CPZ: variants seen among roughly 807,000 people sequenced by gnomAD.
CPZ encodes the protein VEZT/CPZ fusion.
In CPZ, 103 loss-of-function variants were observed where a neutral mutation model predicts 61.8. The observed-to-expected ratio is 1.67, with a 90% CI of 1.42 to 1.96. The LOEUF is 1.96. Among genes scored for constraint, CPZ ranks in the 30% most tolerant of loss-of-function variants. CPZ has a pLI of 0.00. For synonymous variants in CPZ, 551 were observed against 373.7 expected (o/e 1.47, Z -5.47); for missense variants, 1,461 against 914.9 (o/e 1.60, Z -7.70).
intron 5 of CPZ, among the ~76,000 whole-genome samples, 191 bp downstream of exon 5, chr4:8,606,376 G>A (rs1408259397): frequency 6.6e-6 from 1 of 152,194 alleles, no homozygotes; most frequent in Admixed American, 6.5e-5. Context: ...AATTCTAGGT[G>A]AATTAAAAAG....
intron 9 of CPZ, among the ~76,000 whole-genome samples, chr4:8,616,543 C>T (rs188427062): frequency 2.6e-5 from 4 of 152,128 alleles, no homozygotes; most frequent in Admixed American, 2.6e-4. Context: ...CCCAGTGTGG[C>T]TGGTCATCAG....
At position 8,601,228 on chromosome 4, in the gene CPZ, G is replaced by C. The variant is rs754033047; in HGVS notation, c.227G>C (p.Ser76Thr). Residue 76 changes from serine to threonine, a missense_variant, in exon 3 of 11, where the codon AGC becomes ACC. Coordinates refer to ENST00000360986, the MANE Select transcript of CPZ (RefSeq NM_001014447.3). ...CGGTCGTGGGAGGTGGTGGAGGCCA[G>C]CTCCGAGTACATCCTGCTGAGCGTT... ...QHRSWEVVEA[S>T]SEYILLSVLH... is the part of the protein sequence containing the mutation. 2.5e-6 allele frequency: 4 copies of C among 1,613,324 alleles called. No homozygotes were observed. In the African/African-American group the frequency reaches 4.0e-5, roughly 16 times the overall value.
chr4:8,609,227 C>CTCATTCATTGTCACTCAT (rs74196897), intron 7 of CPZ, among the ~76,000 whole-genome samples: 1 of 150,362 alleles, frequency 6.7e-6, no homozygotes, highest in African/African-American at 2.5e-5. Flanking sequence ...CACTTACTCA[C>CTCATTCATTGTCACTCAT]TCATTGTCAC....
chr4:8,613,529 T>G (rs1043015455), intron 8 of CPZ, among the ~76,000 whole-genome samples: 2 of 152,210 alleles, frequency 1.3e-5, no homozygotes, highest in Non-Finnish European at 2.9e-5. Flanking sequence ...CACTGGGGTC[T>G]GGGCAGGGAC....
Position 8,592,908 on chromosome 4 carries a change from G to GCGGGA in CPZ, c.78_79insGACGG (p.Asn27AspfsTer58). 2 of 1,534,404 alleles carry GCGGGA rather than the reference G, an allele frequency of 1.3e-6. No individual in the cohort carries two copies. The highest frequency in any genetic ancestry group is 1.7e-6 in the Non-Finnish European group (2 of 1,143,892). On this transcript the variant is annotated frameshift_variant, in exon 1 of 11. Transcript: ENST00000360986. LOFTEE classifies it high-confidence loss of function. ...CTGCCCGGCCGGGGTGCGAGTTTGAGCGGAACCCCGCCGGTAAGGCCGTCC... is the reference window on the plus strand; with the variant it reads ...CTGCCCGGCCGGGGTGCGAGTTTGAGCGGGACGGAACCCCGCCGGTAAGGCCGTCC...
At position 8,606,204 on chromosome 4, in the gene CPZ, G is replaced by A. The variant is rs1225169801; in HGVS notation, c.906+19G>A. 5 of 1,604,628 alleles carry A rather than the reference G, an allele frequency of 3.1e-6. No homozygotes were observed. Among genetic ancestry groups the A allele is most frequent in the African/African-American group, 1.3e-5 (1 of 74,716 alleles). ...TGCCGAGGTGAGCGCCCAGATGCCT[G>A]GATCCTGTGGGCCACCGCCCGAACC... On this transcript the variant is annotated intron_variant, in intron 5 of 10. Coordinates refer to ENST00000360986, the MANE Select transcript of CPZ (RefSeq NM_001014447.3).
rs1037345797 is a variant in CPZ, at chr4:8,604,205, G to A, written c.709+17G>A. The stretch of plus-strand genomic sequence containing the variant: ...ACGAGCTGAGTGAGTGCCCTTGGGA[G>A]AGCCTGGCCTGGCCCCGTTTCGGGA... On this transcript the variant is annotated intron_variant, in intron 4 of 10. Coordinates refer to ENST00000360986, the MANE Select transcript of CPZ (RefSeq NM_001014447.3). 1.3e-6 allele frequency: 2 copies of A among 1,519,954 alleles called. No individual in the cohort carries two copies. The highest frequency in any genetic ancestry group is 1.8e-6 in the Non-Finnish European group (2 of 1,127,494). 94.2% of individuals were successfully genotyped at this position (1,519,954 alleles called of 1,614,324 possible).
At chr4:8,611,989 G>A (rs76543659) in intron 7 of CPZ, 38 bp from the exon 8 acceptor site, 2 of 1,613,298 alleles carry the variant, frequency 1.2e-6, no homozygotes, top group African/African-American at 1.3e-5. Flanking sequence ...CGTCCTGCAG[G>A]GGACCCTTTC....
In CPZ at chr4:8,601,547, A is replaced by G. The variant is rs1227410273; in HGVS notation, c.496+50A>G. On this transcript the variant is annotated intron_variant, in intron 3 of 10. Coordinates refer to ENST00000360986, the MANE Select transcript of CPZ (RefSeq NM_001014447.3). Reference sequence around the variant, plus strand: ...TGTGGTCATGGGGTCCAGGTGGTCAAGGAGGACCAAGAGCCACACTGGAAG... The same window carrying G: ...TGTGGTCATGGGGTCCAGGTGGTCAGGGAGGACCAAGAGCCACACTGGAAG... The G allele has an allele frequency of 4.2e-6, 6 of 1,420,626 alleles. No individual in the cohort carries two copies. In the South Asian group the frequency reaches 7.8e-5, roughly 18 times the overall value. 88.0% of individuals were successfully genotyped at this position (1,420,626 alleles called of 1,614,324 possible). A position where few individuals can be genotyped will look rare whatever the true frequency, so the allele number is the denominator to read the frequency against.
chr4:8,601,538 A>G, intron 3 of CPZ, 41 bp downstream of exon 3: 2 of 1,428,610 alleles, frequency 1.4e-6, no homozygotes, highest in Non-Finnish European at 1.8e-6. Context: ...CATGGGGTCC[A>G]GGTGGTCAAG....
chr4:8,609,738 G>A (rs976767073), intron 7 of CPZ, among the ~76,000 whole-genome samples: 11 of 152,246 alleles, frequency 7.2e-5, no homozygotes, highest in Admixed American at 2.0e-4. Context: ...GTTCACCCCA[G>A]TGAGTCCCAT....
In CPZ at chr4:8,592,931, T is replaced by TC; in HGVS notation, c.88+14dup. The TC allele has an allele frequency of 6.5e-7, 1 of 1,530,288 alleles. No homozygotes were observed. The highest frequency in any genetic ancestry group is 8.8e-7 in the Non-Finnish European group (1 of 1,140,354). 94.8% of individuals were successfully genotyped at this position (1,530,288 alleles called of 1,614,324 possible). A position where few individuals can be genotyped will look rare whatever the true frequency, so the allele number is the denominator to read the frequency against. On this transcript the variant is annotated intron_variant, in intron 1 of 10. Transcript: ENST00000360986. ...GAGCGGAACCCCGCCGGTAAGGCCGTCCCCTGCCCCCACCCTCCACCCTCC... is the reference window on the plus strand; with the variant it reads ...GAGCGGAACCCCGCCGGTAAGGCCGTCCCCCTGCCCCCACCCTCCACCCTCC...
At chr4:8,608,757 C>T (rs1715271171) in intron 7 of CPZ, among the ~76,000 whole-genome samples, 1 of 151,400 alleles carries the variant, frequency 6.6e-6, no homozygotes, top group Non-Finnish European at 1.5e-5. Flanking sequence ...AAGGTCTCCA[C>T]AGGTGAGGTA....
intron 2 of CPZ, 98 bp downstream of exon 2, chr4:8,599,583 G>A (rs560135764): frequency 1.9e-6 from 3 of 1,564,754 alleles, no homozygotes; most frequent in South Asian, 1.2e-5. Context: ...GATTTCAGAA[G>A]TGGGTAATGG....
At chr4:8,608,675 T>C (rs1715260901) in intron 7 of CPZ, among the ~76,000 whole-genome samples, 2 of 56,596 alleles carry the variant, frequency 3.5e-5, no homozygotes, top group Non-Finnish European at 7.9e-5. Flanking sequence ...CACACGTGCA[T>C]ATGTTGGGGT....
intron 6 of CPZ, 58 bp from the exon 7 acceptor site, chr4:8,607,209 T>A (rs1715109020): frequency 1.9e-6 from 3 of 1,572,290 alleles, no homozygotes; most frequent in Non-Finnish European, 2.6e-6. Flanking sequence ...GCCCAGGGCA[T>A]GGCTGCGGGC....
In CPZ at chr4:8,592,885, GC is replaced by G. The variant is rs1410537152; in HGVS notation, c.55del (p.Arg19GlyfsTer64). 1 of 1,533,942 alleles carries G rather than the reference GC, an allele frequency of 6.5e-7. No homozygotes were observed. The highest frequency in any genetic ancestry group is 1.4e-5 in the African/African-American group (1 of 72,560). ...CCTTACAGTCCTGGTCGTCGCCGCT[GC>G]CCGGCCGGGGTGCGAGTTTGAGCGG... ...LLLTVLVVAA[A>X]RPGCEFERNP... On this transcript the variant is annotated frameshift_variant, in exon 1 of 11. Transcript: ENST00000360986. LOFTEE classifies it high-confidence loss of function.
At chr4:8,609,870 G>T (rs1715505618) in intron 7 of CPZ, among the ~76,000 whole-genome samples, 1 of 152,210 alleles carries the variant, frequency 6.6e-6, no homozygotes, top group South Asian at 2.1e-4. Flanking sequence ...GTTTGGCAGG[G>T]GAGCATGAGA....
At chr4:8,601,585 T>C in intron 3 of CPZ, 88 bp downstream of exon 3, 1 of 1,318,432 alleles carries the variant, frequency 7.6e-7, no homozygotes, top group Non-Finnish European at 1.0e-6. Context: ...ACTTGAGGGC[T>C]TTTCCATCGA....
Sources: gnomAD v4.1 joint callset for allele counts (sites outside exome capture counted in the v4.1 genomes callset) on GRCh38, gnomAD v4.1.1 for gene constraint, MANE v1.5 for transcripts, NCBI Gene and HGNC (gene_info 2026-07-23, HGNC 2026-07-21) for gene names.